OR51B5: variants seen among roughly 807,000 people sequenced by gnomAD.
OR51B5 encodes olfactory receptor 51B5.
For synonymous variants in OR51B5, 186 were observed against 144.8 expected, an observed-to-expected ratio of 1.28 and a Z score of -2.04; for missense variants, 456 against 374.6, an observed-to-expected ratio of 1.22 and a Z score of -1.79.
At chr11:5,500,646 A>G (rs1222735099) in intron 1 of OR51B5, among the ~76,000 whole-genome samples, 2 of 148,094 alleles carry the variant, frequency 1.4e-5, no homozygotes, top group Non-Finnish European at 3.0e-5. Context: ...GCGGCCTTGC[A>G]AGTAGCTTTA....
chr11:5,468,289 G>C (rs1314537876), intron 1 of OR51B5, among the ~76,000 whole-genome samples: 2 of 152,238 alleles, frequency 1.3e-5, no homozygotes, highest in African/African-American at 2.4e-5. Flanking sequence ...ACCTGTGACA[G>C]TTAATTACAA....
intron 1 of OR51B5, among the ~76,000 whole-genome samples, chr11:5,433,105 C>T (rs1440580762): frequency 6.6e-6 from 1 of 152,088 alleles, no homozygotes; most frequent in Admixed American, 6.5e-5. Context: ...ACACAAGTTA[C>T]CTCTGAGTTA....
chr11:5,342,749 A>C (rs756176319), exon 1 of OR51B5: 1 of 1,613,734 alleles, frequency 6.2e-7, no homozygotes, highest in East Asian at 2.2e-5. Flanking sequence ...AAAACGATGA[A>C]TCAGAGACAA....
chr11:5,436,608 G>C (rs1347160669), intron 1 of OR51B5, among the ~76,000 whole-genome samples: 2 of 152,186 alleles, frequency 1.3e-5, no homozygotes, highest in African/African-American at 4.8e-5. Context: ...CAGACCATGA[G>C]GGTATTTGAA....
chr11:5,378,437 C>T (rs566453602), intron 1 of OR51B5, among the ~76,000 whole-genome samples: 3 of 152,220 alleles, frequency 2.0e-5, no homozygotes, highest in African/African-American at 7.2e-5. Flanking sequence ...AAAGCGATGG[C>T]AACAAAAGCC....
At position 5,477,846 on chromosome 11, in the gene OR51B5, G is replaced by A. The variant is rs185277824; in HGVS notation, n.84+27723C>T. The stretch of plus-strand genomic sequence containing the variant: ...CACCATGAGATTATATCCCGCACCT[G>A]GCTCGGAGGGTCCTACGCCCACGGA... On this transcript the variant is annotated intron_variant and non_coding_transcript_variant, in intron 1 of 4. Coordinates refer to the OR51B5 transcript ENST00000415970. Among the ~76,000 whole-genome samples the A allele has an allele frequency of 5.3e-5, 8 of 152,290 alleles. 1 individual carries two copies. The highest frequency in any genetic ancestry group is 2.6e-4 in the Admixed American group (4 of 15,294).
chr11:5,402,998 G>C (rs539366001), intron 1 of OR51B5: 6 of 471,334 alleles, frequency 1.3e-5, no homozygotes, highest in African/African-American at 1.2e-4. Context: ...AGCCCACTGA[G>C]CTACACAGCT....
Position 5,446,132 on chromosome 11 carries a change from A to G in OR51B5, n.84+59437T>C, listed in dbSNP as rs952450360. Among the ~76,000 whole-genome samples, 8 of 152,260 alleles carry G rather than the reference A, an allele frequency of 5.3e-5. 1 individual carries two copies. The South Asian group carries it at 1.7e-3, about 32-fold the overall frequency. On this transcript the variant is annotated intron_variant and non_coding_transcript_variant, in intron 1 of 4. Coordinates refer to the OR51B5 transcript ENST00000415970. The stretch of plus-strand genomic sequence containing the variant: ...GGGTGGGGGAGAGTGGAGGGATAGC[A>G]TTAGGAGATACACCTAATGTAAATG...
Position 5,360,632 on chromosome 11 carries a change from C to T in OR51B5, n.85-13722G>A, listed in dbSNP as rs1262531465. On this transcript the variant is annotated intron_variant and non_coding_transcript_variant, in intron 1 of 4. Transcript: ENST00000415970. ...GAAATACCATTTGACCCAGCCATCC[C>T]ATTACTGGGTACATACTCAAAGGAT... 2.0e-5 allele frequency among the ~76,000 whole-genome samples: 3 copies of T among 152,062 alleles called. No individual in the cohort carries two copies. In the East Asian group the frequency reaches 5.8e-4, roughly 29 times the overall value.
chr11:5,414,799 G>T (rs1850212622), intron 1 of OR51B5, among the ~76,000 whole-genome samples: 1 of 152,146 alleles, frequency 6.6e-6, no homozygotes, highest in South Asian at 2.1e-4. Flanking sequence ...CCTACAAAGA[G>T]ATTTAGACTC....
rs114587639 is a variant in OR51B5 at position 5,366,626 on chromosome 11, A to G, written n.85-19716T>C. On this transcript the variant is annotated intron_variant and non_coding_transcript_variant, in intron 1 of 4. Coordinates refer to the OR51B5 transcript ENST00000415970. ...AGATGAGAAAGAAATAGAGAAAGAG[A>G]GAGAGGTAGGGAGGGAGGAAGGAAG... is the stretch of plus-strand genomic sequence containing the variant. Among the ~76,000 whole-genome samples, 1,168 of 151,058 alleles carry G rather than the reference A, an allele frequency of 7.7e-3. 10 individuals are homozygous for G. Among genetic ancestry groups the G allele is most frequent in the African/African-American group, 0.027 (1,112 of 41,040 alleles).
intron 1 of OR51B5, among the ~76,000 whole-genome samples, chr11:5,387,271 A>T (rs1027913216): frequency 6.6e-6 from 1 of 152,102 alleles, no homozygotes; most frequent in Non-Finnish European, 1.5e-5. Context: ...AGAGCACACA[A>T]CTATTGCACA....
intron 1 of OR51B5, among the ~76,000 whole-genome samples, chr11:5,495,686 A>G (rs1202572343): frequency 6.6e-6 from 1 of 152,008 alleles, no homozygotes; most frequent in East Asian, 1.9e-4. Flanking sequence ...CAGGAGCTAC[A>G]ACACAGTCAG....
chr11:5,348,049 CA>C (rs376393219), upstream of OR51B5, among the ~76,000 whole-genome samples: 45,052 of 143,682 alleles, frequency 0.31, 7,387 homozygotes, highest in Non-Finnish European at 0.39. Flanking sequence ...GGAACCAAGG[CA>C]AAAAAAAAAC....
chr11:5,440,897 A>G (rs1850674858), intron 1 of OR51B5: 7 of 1,613,806 alleles, frequency 4.3e-6, no homozygotes, highest in Non-Finnish European at 5.9e-6. Flanking sequence ...CATAGGTAAA[A>G]ATGATCACCA....
intron 1 of OR51B5, among the ~76,000 whole-genome samples, chr11:5,362,225 G>A (rs542639002): frequency 1.3e-5 from 2 of 152,168 alleles, no homozygotes; most frequent in Non-Finnish European, 2.9e-5. Flanking sequence ...AGTGGATCCC[G>A]TGTTTCTGTC....
chr11:5,480,700 C>T (rs1415184748), intron 1 of OR51B5, among the ~76,000 whole-genome samples: 2 of 151,178 alleles, frequency 1.3e-5, no homozygotes, highest in Non-Finnish European at 3.0e-5. Flanking sequence ...CACAGAAATA[C>T]AAACTACCAT....
intron 1 of OR51B5, among the ~76,000 whole-genome samples, chr11:5,349,667 ATTT>A (rs1849045622): frequency 6.6e-6 from 1 of 152,114 alleles, no homozygotes; most frequent in South Asian, 2.1e-4. Flanking sequence ...CCTATGTACA[ATTT>A]TTATTTGCCA....
chr11:5,437,888 C>T (rs929013423), intron 1 of OR51B5, among the ~76,000 whole-genome samples: 1 of 152,100 alleles, frequency 6.6e-6, no homozygotes, highest in South Asian at 2.1e-4. Context: ...AAGGCTCTCT[C>T]CCTTTTCTAT....
Sources: allele counts gnomAD v4.1 joint callset (sites outside exome capture counted in the v4.1 genomes callset), GRCh38; gene constraint gnomAD v4.1.1; transcripts MANE v1.5; gene names NCBI Gene and HGNC (gene_info 2026-07-23, HGNC 2026-07-21).